Variants in AKAP9 observed in about 807,000 individuals in gnomAD.
AKAP9 encodes A-kinase anchor protein 9.
AKAP9 carries 311 observed loss-of-function variants against 488.5 expected under a neutral mutation model. The ratio of observed to expected loss-of-function variants is 0.64; its 90% CI spans 0.58 to 0.70. AKAP9 has a LOEUF of 0.70. Among genes scored for constraint, AKAP9 ranks in the 30% least tolerant of loss-of-function variants. The pLI is 0.00. For synonymous variants in AKAP9, 1,462 were observed against 1,483.5 expected, an observed-to-expected ratio of 0.99 and a Z score of 0.33; for missense variants, 4,215 against 4,374.5, an observed-to-expected ratio of 0.96 and a Z score of 1.03.
chr7:92,093,015 A>G, intron 38 of AKAP9, 82 bp from the exon 39 acceptor site: 1 of 1,231,374 alleles, frequency 8.1e-7, no homozygotes, highest in South Asian at 1.3e-5. Flanking sequence ...CTTAACTACA[A>G]ATCAGTTCTT....
At chr7:91,992,268 G>T in intron 4 of AKAP9, 57 bp downstream of exon 4, 3 of 1,332,888 alleles carry the variant, frequency 2.3e-6, no homozygotes, top group Non-Finnish European at 3.2e-6. Context: ...AAAATCATCT[G>T]GCTTACTAAC....
intron 26 of AKAP9, among the ~76,000 whole-genome samples, chr7:92,068,243 G>C (rs889539503): frequency 4.0e-5 from 6 of 151,324 alleles, no homozygotes; most frequent in African/African-American, 1.5e-4. Flanking sequence ...GCGGGCACCT[G>C]TAGTCCTAGC....
At chr7:92,027,984 A>G (rs1284619489) in intron 14 of AKAP9, among the ~76,000 whole-genome samples, 134 of 148,288 alleles carry the variant, frequency 9.0e-4, no homozygotes, top group African/African-American at 3.4e-3. Context: ...GTTAATCTAT[A>G]ACCTTACCCC....
In AKAP9 at chr7:91,941,143, C is replaced by T. The variant is rs747409915; in HGVS notation, c.44C>T (p.Ala15Val). ...ERQKKLEAGK[A>V]KLAQFRQRKA... Reference sequence around the variant, plus strand: ...CAGAAGAAGCTGGAGGCCGGCAAAGCCAAGGTAGGAGAGCCCGAGGCAACC... The same window carrying T: ...CAGAAGAAGCTGGAGGCCGGCAAAGTCAAGGTAGGAGAGCCCGAGGCAACC... Residue 15 changes from alanine to valine, a missense_variant, in exon 1 of 50, where the codon GCC (alanine) becomes GTC (valine). Ala to Val is a moderately conservative substitution (Grantham distance 64). Transcript: ENST00000356239. 5.0e-6 allele frequency: 8 copies of T among 1,613,868 alleles called. No homozygotes were observed. The highest frequency in any genetic ancestry group is 1.3e-5 in the African/African-American group (1 of 74,916).
At chr7:92,023,418 C>T (rs1039160680) in intron 14 of AKAP9, among the ~76,000 whole-genome samples, 1 of 152,156 alleles carries the variant, frequency 6.6e-6, no homozygotes, top group Non-Finnish European at 1.5e-5. Context: ...TGTTCAAATT[C>T]ACCACGTCCA....
chr7:92,105,566 A>G lies in AKAP9; in HGVS notation c.11331-112A>G, dbSNP rs1249381641. On this transcript the variant is annotated intron_variant, in intron 46 of 49. Transcript: ENST00000356239. ...GACATAGTTTAACTGGGCAATTGTG[A>G]AATTTGACATTTGTTCTATGTTCAT... 35 of 828,148 alleles carry G rather than the reference A, an allele frequency of 4.2e-5. 1 individual carries two copies. In the South Asian group the frequency reaches 4.4e-4, roughly 10 times the overall value. The allele number at this position is 828,148 out of a possible 1,614,324, so 51.3% of individuals were successfully genotyped here.
chr7:92,016,995 T>C (rs1235781499), intron 11 of AKAP9, 22 bp from the exon 12 acceptor site: 10 of 1,469,902 alleles, frequency 6.8e-6, no homozygotes, highest in Non-Finnish European at 9.4e-6. Context: ...GAAATTATTG[T>C]AATTGTTTGT....
At chr7:92,104,196 T>A (rs1424567443) in intron 46 of AKAP9, among the ~76,000 whole-genome samples, 20 of 142,470 alleles carry the variant, frequency 1.4e-4, no homozygotes, top group South Asian at 2.3e-4. Context: ...ATTTATTTTT[T>A]TTTTTTTTTT....
chr7:91,971,059 C>G (rs572613385), intron 1 of AKAP9, among the ~76,000 whole-genome samples: 2 of 152,268 alleles, frequency 1.3e-5, no homozygotes, highest in Non-Finnish European at 2.9e-5. Context: ...TGAACACATT[C>G]AGTAAAAAAC....
Position 92,101,007 on chromosome 7 carries a change from A to G in AKAP9, c.11048A>G (p.Asp3683Gly). 1 of 1,613,976 alleles carries G rather than the reference A, an allele frequency of 6.2e-7. No homozygotes were observed. Among genetic ancestry groups the G allele is most frequent in the Non-Finnish European group, 8.5e-7 (1 of 1,179,992 alleles). Residue 3683 changes from aspartate to glycine, a missense_variant, in exon 45 of 50, where the codon GAC (aspartate) becomes GGC (glycine). Physicochemically the swap from Asp to Gly is moderately conservative, Grantham distance 94. This residue lies in a region of AKAP9 where 74 missense variants were observed against 113.0 expected (regional missense o/e 0.65). Transcript: ENST00000356239. Reference sequence around the variant, plus strand: ...AAACTGAAAGCTGAACTAAGAAATGACTCTTTACTTCAAACTCTGAGCCCT... The same window carrying G: ...AAACTGAAAGCTGAACTAAGAAATGGCTCTTTACTTCAAACTCTGAGCCCT... ...VYKLKAELRNDSLLQTLSPDS... is the reference protein window; with the variant it reads ...VYKLKAELRNGSLLQTLSPDS...
At chr7:92,006,037 T>G (rs1176811809) in intron 8 of AKAP9, among the ~76,000 whole-genome samples, 4 of 152,194 alleles carry the variant, frequency 2.6e-5, no homozygotes, top group Admixed American at 6.5e-5. Context: ...GTATGGCAGT[T>G]ACTTGTGAAA....
rs182680258 is a variant in AKAP9, at chr7:92,042,852, T to C, written c.5162+81T>C. Reference sequence around the variant, plus strand: ...GTAATAGACTTTGTCCTTATTTTTATCTTGTACATTGATACTTTGTCTTAA... The same window carrying C: ...GTAATAGACTTTGTCCTTATTTTTACCTTGTACATTGATACTTTGTCTTAA... On this transcript the variant is annotated intron_variant, in intron 20 of 49. Coordinates refer to ENST00000356239, the MANE Select transcript of AKAP9 (RefSeq NM_005751.5). The C allele has an allele frequency of 8.1e-3, 7,497 of 927,058 alleles. 79 individuals carry two copies. The highest frequency in any genetic ancestry group is 0.036 in the Middle Eastern group (121 of 3,366). The allele number at this position is 927,058 out of a possible 1,614,324, so 57.4% of individuals were successfully genotyped here. A position where few individuals can be genotyped will look rare whatever the true frequency, so the allele number is the denominator to read the frequency against.
intron 38 of AKAP9, chr7:92,092,552 T>C (rs1247690587): frequency 7.9e-5 from 12 of 152,366 alleles, no homozygotes; most frequent in Admixed American, 7.8e-4. Flanking sequence ...ATGTATTCTC[T>C]TAAACTTTTA....
chr7:91,991,647 A>G (rs1797773340), intron 3 of AKAP9, among the ~76,000 whole-genome samples: 1 of 150,986 alleles, frequency 6.6e-6, no homozygotes, highest in Admixed American at 6.6e-5. Flanking sequence ...AATTTTTTGT[A>G]TTTTTAGTAG....
chr7:91,942,783 G>C (rs1054281640), intron 1 of AKAP9, among the ~76,000 whole-genome samples: 19 of 152,220 alleles, frequency 1.2e-4, no homozygotes, highest in African/African-American at 3.9e-4. Context: ...TTATCTTTCA[G>C]AATTCTATGT....
intron 21 of AKAP9, among the ~76,000 whole-genome samples, chr7:92,051,521 C>A (rs1807978824): frequency 6.6e-6 from 1 of 152,182 alleles, no homozygotes; most frequent in Non-Finnish European, 1.5e-5. Context: ...CATTTAAAAT[C>A]ATGCCTTAAA....
intron 1 of AKAP9, among the ~76,000 whole-genome samples, chr7:91,969,968 T>C (rs1400130361): frequency 1.3e-5 from 2 of 152,208 alleles, no homozygotes; most frequent in Admixed American, 6.5e-5. Flanking sequence ...TTCTGGTTGT[T>C]TTGTAATTCC....
rs1184732212 is a variant in AKAP9, at chr7:92,052,953, A to G, written c.5596A>G (p.Ser1866Gly). The G allele has an allele frequency of 6.2e-7, 1 of 1,611,928 alleles. No homozygotes were observed. The highest frequency in any genetic ancestry group is 8.5e-7 in the Non-Finnish European group (1 of 1,178,210). Residue 1866 changes from serine (S) to glycine (G), a missense_variant, in exon 22 of 50, where the codon AGT (serine) becomes GGT (glycine). Coordinates refer to ENST00000356239, the MANE Select transcript of AKAP9 (RefSeq NM_005751.5). Reference sequence around the variant, plus strand: ...CCTAGAAGCCATAAGTGAAACTAGCAGTCAGGTAACCTCCTTATATTGCTA... The same window carrying G: ...CCTAGAAGCCATAAGTGAAACTAGCGGTCAGGTAACCTCCTTATATTGCTA... ...KLLEAISETS[S>G]QLEHAKVTQT...
intron 45 of AKAP9, 69 bp downstream of exon 45, chr7:92,101,125 A>G: frequency 1.3e-6 from 2 of 1,483,148 alleles, no homozygotes; most frequent in African/African-American, 1.4e-5. Context: ...TCTCTCACTG[A>G]CCTTAAATAA....
Sources: allele counts gnomAD v4.1 joint callset (sites outside exome capture counted in the v4.1 genomes callset), GRCh38; gene constraint gnomAD v4.1.1; regional missense constraint gnomAD v4.1.1; transcripts MANE v1.5; gene names NCBI Gene and HGNC (gene_info 2026-07-23, HGNC 2026-07-21).